SPOCK1: variants seen among roughly 807,000 people sequenced by gnomAD.
SPOCK1 encodes the protein testican-1.
A neutral mutation model predicts 55.3 loss-of-function variants in SPOCK1; 23 were observed. That is an observed-to-expected ratio of 0.42 (90% confidence interval 0.30 to 0.59). The LOEUF is 0.59. SPOCK1 is among the 20% of genes least tolerant of loss of function. SPOCK1 has a pLI of 0.22. For synonymous variants in SPOCK1, 226 were observed against 221.0 expected, an observed-to-expected ratio of 1.02 and a Z score of -0.20; for missense variants, 499 against 552.5, an observed-to-expected ratio of 0.90 and a Z score of 0.97.
At chr5:137,443,203 C>T (rs150551799) in intron 2 of SPOCK1, among the ~76,000 whole-genome samples, 1 of 152,278 alleles carries the variant, frequency 6.6e-6, no homozygotes, top group Non-Finnish European at 1.5e-5. Context: ...CACCCACCTG[C>T]AAGACTGTTG....
chr5:137,288,926 C>T (rs1757315861), intron 2 of SPOCK1, among the ~76,000 whole-genome samples: 1 of 152,312 alleles, frequency 6.6e-6, no homozygotes, highest in Admixed American at 6.5e-5. Flanking sequence ...TAGCAGAAAG[C>T]TCGAAATGTG....
intron 4 of SPOCK1, among the ~76,000 whole-genome samples, chr5:137,121,813 G>T (rs993000026): frequency 6.9e-6 from 1 of 145,216 alleles, no homozygotes; most frequent in South Asian, 2.1e-4. Context: ...CCTATTAGTA[G>T]TATCCTTATT....
At chr5:137,153,005 A>G (rs559395211) in intron 3 of SPOCK1, among the ~76,000 whole-genome samples, 6 of 152,368 alleles carry the variant, frequency 3.9e-5, no homozygotes, top group African/African-American at 1.4e-4. Flanking sequence ...TGAAGCTCCA[A>G]GAGACTAAAG....
At position 137,112,490 on chromosome 5, in the gene SPOCK1, G is replaced by C; in HGVS notation, c.419C>G (p.Pro140Arg). The C allele has an allele frequency of 3.1e-6, 5 of 1,613,874 alleles. No homozygotes were observed. The highest frequency in any genetic ancestry group is 4.2e-6 in the Non-Finnish European group (5 of 1,179,996). Residue 140 changes from proline (P) to arginine (R), a missense_variant, in exon 5 of 11, where the codon CCC becomes CGC. Physicochemically the swap from Pro to Arg is moderately radical, Grantham distance 103. Around this residue, in one of 3 missense-constraint regions of SPOCK1, gnomAD observed 386 missense variants for 400.6 expected, o/e 0.96. Transcript: ENST00000394945. Reference protein sequence around the residue: ...PSNLVKCKPCPVAQSAMVCGS... With the variant: ...PSNLVKCKPCRVAQSAMVCGS... ...GCAGACCATGGCTGACTGTGCCACG[G>C]GACAGGGCTTGCACTTGACCAAATT...
At chr5:137,396,070 G>A (rs981989872) in intron 2 of SPOCK1, among the ~76,000 whole-genome samples, 1 of 152,124 alleles carries the variant, frequency 6.6e-6, no homozygotes, top group Admixed American at 6.6e-5. Context: ...CTCAGTTGAG[G>A]CTCTTGGGTT....
At position 137,146,618 on chromosome 5, in the gene SPOCK1, G is replaced by C. The variant is rs140568309; in HGVS notation, c.233-5924C>G. On this transcript the variant is annotated intron_variant, in intron 3 of 10. Coordinates refer to ENST00000394945, the MANE Select transcript of SPOCK1 (RefSeq NM_004598.4). ...CAGGAACATTTATTGCAGCTTGTCT[G>C]TCCCCATGGTAACCCGTGCATGCAT... 3.6e-3 allele frequency among the ~76,000 whole-genome samples: 542 copies of C among 152,320 alleles called. 3 individuals are homozygous for C. The highest frequency in any genetic ancestry group is 0.013 in the African/African-American group (527 of 41,568).
intron 5 of SPOCK1, among the ~76,000 whole-genome samples, chr5:137,092,144 G>A (rs1045782909): frequency 3.3e-5 from 5 of 152,116 alleles, no homozygotes; most frequent in Admixed American, 2.0e-4. Context: ...AAGATTCTGA[G>A]GATAAAGCAG....
chr5:137,485,096 C>G (rs888836689), intron 2 of SPOCK1, among the ~76,000 whole-genome samples: 1 of 152,182 alleles, frequency 6.6e-6, no homozygotes, highest in African/African-American at 2.4e-5. Flanking sequence ...TAATTTATTT[C>G]ACTCTTCTGT....
chr5:137,043,978 G>T (rs1239980667), intron 6 of SPOCK1, among the ~76,000 whole-genome samples: 1 of 152,208 alleles, frequency 6.6e-6, no homozygotes, highest in Non-Finnish European at 1.5e-5. Flanking sequence ...AAACATGGGT[G>T]CAGGGTATCT....
chr5:137,155,789 G>A (rs1163719718), intron 3 of SPOCK1, among the ~76,000 whole-genome samples: 1 of 152,174 alleles, frequency 6.6e-6, no homozygotes, highest in Non-Finnish European at 1.5e-5. Context: ...GACAAACAAA[G>A]GCTCTGTCTG....
intron 2 of SPOCK1, among the ~76,000 whole-genome samples, chr5:137,393,997 A>C (rs2127180631): frequency 6.6e-6 from 1 of 152,306 alleles, no homozygotes; most frequent in South Asian, 2.1e-4. Context: ...TGGATGACTT[A>C]TATAATAAAG....
chr5:137,388,086 G>A (rs1024297412), intron 2 of SPOCK1, among the ~76,000 whole-genome samples: 6 of 152,074 alleles, frequency 3.9e-5, no homozygotes, highest in Non-Finnish European at 5.9e-5. Flanking sequence ...TCAATTAAAA[G>A]TGCATTTAAA....
At chr5:137,334,992 CT>C (rs1561507895) in intron 2 of SPOCK1, among the ~76,000 whole-genome samples, 1 of 152,204 alleles carries the variant, frequency 6.6e-6, no homozygotes, top group African/African-American at 2.4e-5. Flanking sequence ...GATTTCACCC[CT>C]ATGACATGTC....
intron 2 of SPOCK1, among the ~76,000 whole-genome samples, chr5:137,388,584 G>T (rs1247346564): frequency 6.6e-6 from 1 of 152,112 alleles, no homozygotes; most frequent in African/African-American, 2.4e-5. Flanking sequence ...CACATGGTAT[G>T]ATGGCATGTA....
chr5:137,025,259 C>G (rs983949265), intron 6 of SPOCK1, among the ~76,000 whole-genome samples: 1 of 152,094 alleles, frequency 6.6e-6, no homozygotes, highest in Non-Finnish European at 1.5e-5. Context: ...AGGTAGATCC[C>G]TTTTCCAGGC....
At chr5:137,055,163 C>G (rs1339103092) in intron 6 of SPOCK1, among the ~76,000 whole-genome samples, 1 of 152,210 alleles carries the variant, frequency 6.6e-6, no homozygotes, top group Non-Finnish European at 1.5e-5. Context: ...CATAAGTGAG[C>G]TCCATATGCA....
At chr5:137,413,969 C>G (rs1561529122) in intron 2 of SPOCK1, among the ~76,000 whole-genome samples, 1 of 152,116 alleles carries the variant, frequency 6.6e-6, no homozygotes, top group Non-Finnish European at 1.5e-5. Flanking sequence ...TCTCCTGAAA[C>G]AAATATATGT....
chr5:137,100,723 C>A (rs191685499), intron 5 of SPOCK1, among the ~76,000 whole-genome samples: 3 of 152,206 alleles, frequency 2.0e-5, no homozygotes, highest in Non-Finnish European at 2.9e-5. Flanking sequence ...GGACACAGGG[C>A]CTTTCCTGCT....
At chr5:137,424,646 A>C (rs1422424130) in intron 2 of SPOCK1, among the ~76,000 whole-genome samples, 1 of 152,214 alleles carries the variant, frequency 6.6e-6, no homozygotes, top group African/African-American at 2.4e-5. Flanking sequence ...CAAGCTATAC[A>C]ATGGAAAGTA....
Sources: allele counts gnomAD v4.1 joint callset (sites outside exome capture counted in the v4.1 genomes callset), GRCh38; gene constraint gnomAD v4.1.1; regional missense constraint gnomAD v4.1.1; transcripts MANE v1.5; gene names NCBI Gene and HGNC (gene_info 2026-07-23, HGNC 2026-07-21).